The following GRM8 variants were observed in gnomAD, a reference collection of about 807,000 sequenced individuals.
The protein encoded by GRM8 is glutamate metabotropic receptor 8.
Under a neutral mutation model 87.2 loss-of-function variants are expected in GRM8, and 47 were observed. That is an observed-to-expected ratio of 0.54 (90% CI 0.43 to 0.69). The LOEUF (loss-of-function observed/expected upper bound fraction) is 0.69, where lower values mean the gene tolerates loss of function less well. Among genes scored for constraint, GRM8 ranks in the 30% least tolerant of loss-of-function variants. The pLI is 0.00. For synonymous variants in GRM8, 396 were observed against 404.5 expected (o/e 0.98, Z 0.25); for missense variants, 1,019 against 1,139.2 (o/e 0.89, Z 1.52).
rs17868924 is a variant in GRM8, at chr7:127,115,501, T to C, written c.511-8789A>G. Among the ~76,000 whole-genome samples the C allele has an allele frequency of 3.6e-3, 543 of 152,318 alleles. 4 individuals are homozygous for C. The highest frequency in any genetic ancestry group is 0.012 in the African/African-American group (489 of 41,570). On this transcript the variant is annotated intron_variant, in intron 2 of 10. Transcript: ENST00000339582. ...CTTATGGAAAATAAAATAACTAATA[T>C]CATGTTTTAGAAAGAAATGTAATGA...
intron 2 of GRM8, among the ~76,000 whole-genome samples, chr7:127,222,439 C>T (rs1378371948): frequency 6.6e-6 from 1 of 152,060 alleles, no homozygotes; most frequent in African/African-American, 2.4e-5. Flanking sequence ...CCACCCATTG[C>T]TTTTGAAGAT....
At chr7:127,198,669 A>ATTT (rs113555701) in intron 2 of GRM8, among the ~76,000 whole-genome samples, 1 of 144,548 alleles carries the variant, frequency 6.9e-6, no homozygotes. Flanking sequence ...ATAGAAATGA[A>ATTT]TTTTTTTTTT....
intron 9 of GRM8, among the ~76,000 whole-genome samples, chr7:126,519,662 C>T (rs1179853596): frequency 1.3e-5 from 2 of 152,070 alleles, no homozygotes; most frequent in Admixed American, 6.6e-5. Flanking sequence ...CAGTCTACGG[C>T]CATACCACCC....
intron 7 of GRM8, among the ~76,000 whole-genome samples, chr7:126,723,221 T>TG (rs917375619): frequency 1.3e-5 from 2 of 151,798 alleles, no homozygotes; most frequent in Non-Finnish European, 2.9e-5. Context: ...TTAAAAAACA[T>TG]GATGTGAAGA....
intron 6 of GRM8, among the ~76,000 whole-genome samples, chr7:126,875,360 T>C (rs1799444388): frequency 6.6e-6 from 1 of 151,758 alleles, no homozygotes; most frequent in South Asian, 2.1e-4. Flanking sequence ...CAATACATAC[T>C]TCCTCACCTA....
chr7:126,994,804 T>C (rs572914379), intron 3 of GRM8, among the ~76,000 whole-genome samples: 26 of 152,134 alleles, frequency 1.7e-4, no homozygotes, highest in Non-Finnish European at 3.1e-4. Context: ...TAGACCTGCA[T>C]GGGTTCTGGG....
chr7:126,669,068 C>G (rs1249051225), intron 7 of GRM8, among the ~76,000 whole-genome samples: 1 of 152,098 alleles, frequency 6.6e-6, no homozygotes, highest in African/African-American at 2.4e-5. Flanking sequence ...AACACAGGAA[C>G]AGAAAACCAA....
intron 3 of GRM8, among the ~76,000 whole-genome samples, chr7:127,072,848 T>C (rs1821854044): frequency 6.6e-6 from 1 of 152,092 alleles, no homozygotes; most frequent in African/African-American, 2.4e-5. Flanking sequence ...TTCTTGAAGA[T>C]GGGCAAGATA....
chr7:127,204,389 G>T (rs1795788774), intron 2 of GRM8, among the ~76,000 whole-genome samples: 1 of 152,278 alleles, frequency 6.6e-6, no homozygotes, highest in East Asian at 1.9e-4. Context: ...AGAGAGCCAA[G>T]GGTTCCACCA....
chr7:127,049,328 G>A (rs1022188548), intron 3 of GRM8, among the ~76,000 whole-genome samples: 1 of 152,086 alleles, frequency 6.6e-6, no homozygotes, highest in Non-Finnish European at 1.5e-5. Flanking sequence ...GTGACAAACT[G>A]GGTGGCTTTA....
chr7:126,548,197 G>A (rs2150919145), intron 8 of GRM8, among the ~76,000 whole-genome samples: 1 of 152,134 alleles, frequency 6.6e-6, no homozygotes, highest in East Asian at 1.9e-4. Context: ...GATAGCATTA[G>A]GAGAAATGCC....
intron 3 of GRM8, among the ~76,000 whole-genome samples, chr7:126,954,675 T>A (rs1191579297): frequency 6.6e-6 from 1 of 152,194 alleles, no homozygotes; most frequent in African/African-American, 2.4e-5. Context: ...CATGTCCTCA[T>A]CTGTCAACTG....
chr7:127,209,169 A>G (rs944187940), intron 2 of GRM8, among the ~76,000 whole-genome samples: 11 of 152,198 alleles, frequency 7.2e-5, no homozygotes, highest in Non-Finnish European at 1.3e-4. Flanking sequence ...CACCTAGAAC[A>G]AGACACTACA....
chr7:127,227,952 C>T (rs1797445565), intron 2 of GRM8, among the ~76,000 whole-genome samples: 1 of 152,188 alleles, frequency 6.6e-6, no homozygotes, highest in Admixed American at 6.5e-5. Flanking sequence ...GAGTATGAGG[C>T]TTACAGAGCT....
chr7:126,926,994 C>T (rs181428325), intron 3 of GRM8, among the ~76,000 whole-genome samples: 4 of 152,272 alleles, frequency 2.6e-5, no homozygotes, highest in East Asian at 3.9e-4. Context: ...CAGTGTCTTG[C>T]AGAGTGTGAA....
At chr7:126,657,288 C>G (rs1214436814) in intron 7 of GRM8, among the ~76,000 whole-genome samples, 2 of 151,562 alleles carry the variant, frequency 1.3e-5, no homozygotes, top group African/African-American at 4.9e-5. Flanking sequence ...AAGTTACTTG[C>G]TTGACATTAA....
chr7:126,567,591 G>T (rs1297206464), intron 8 of GRM8, among the ~76,000 whole-genome samples: 1 of 152,064 alleles, frequency 6.6e-6, no homozygotes, highest in Non-Finnish European at 1.5e-5. Context: ...CATGTTAAGT[G>T]TTTTTAATTA....
chr7:126,886,314 T>A (rs1334993910), intron 6 of GRM8, among the ~76,000 whole-genome samples: 1 of 152,152 alleles, frequency 6.6e-6, no homozygotes, highest in African/African-American at 2.4e-5. Context: ...CACCTCTTAC[T>A]CTATTAAATT....
chr7:126,610,373 A>C (rs1018049924), intron 7 of GRM8, among the ~76,000 whole-genome samples: 1 of 151,764 alleles, frequency 6.6e-6, no homozygotes, highest in Non-Finnish European at 1.5e-5. Context: ...TATTATTATT[A>C]TTCTTTCCTG....
Sources: gnomAD v4.1 joint callset for allele counts (sites outside exome capture counted in the v4.1 genomes callset) on GRCh38, gnomAD v4.1.1 for gene constraint, MANE v1.5 for transcripts, NCBI Gene and HGNC (gene_info 2026-07-23, HGNC 2026-07-21) for gene names.